Variants in NTNG1 observed in about 807,000 individuals in gnomAD.
The protein encoded by NTNG1 is netrin G1, also known as netrin-G1.
In NTNG1, 16 loss-of-function variants were observed where a neutral mutation model predicts 54.0. That is an observed-to-expected ratio of 0.30 (90% CI 0.20 to 0.45). The LOEUF (loss-of-function observed/expected upper bound fraction) is 0.45. Ranked by LOEUF, NTNG1 falls within the 20% of genes least tolerant of loss-of-function variation. The pLI is 1.00. For missense variants in NTNG1, 530 were observed against 678.7 expected (o/e 0.78, Z 2.43); for synonymous variants, 255 against 263.1 (o/e 0.97, Z 0.30).
intron 7 of NTNG1, among the ~76,000 whole-genome samples, chr1:107,454,974 T>C (rs1176356367): frequency 1.3e-5 from 2 of 152,168 alleles, no homozygotes; most frequent in African/African-American, 2.4e-5. Flanking sequence ...GTGAGCACAG[T>C]GCTGTGCCAA....
At chr1:107,369,157 T>C (rs555215194) in intron 3 of NTNG1, among the ~76,000 whole-genome samples, 1 of 152,336 alleles carries the variant, frequency 6.6e-6, no homozygotes, top group Admixed American at 6.5e-5. Context: ...CACCTATTGA[T>C]GGACACTTGG....
At chr1:107,400,388 T>C (rs1436881108) in intron 4 of NTNG1, among the ~76,000 whole-genome samples, 3 of 152,166 alleles carry the variant, frequency 2.0e-5, no homozygotes, top group Non-Finnish European at 2.9e-5. Flanking sequence ...TACTACAGGC[T>C]TTTACACTTC....
At chr1:107,460,480 A>G (rs1677216730) in intron 7 of NTNG1, 2 of 508,548 alleles carry the variant, frequency 3.9e-6, no homozygotes, top group Admixed American at 4.0e-5. Context: ...TCTATTTAGG[A>G]AATGAAATTA....
At chr1:107,284,075 A>G (rs1665038750) in intron 2 of NTNG1, among the ~76,000 whole-genome samples, 1 of 152,130 alleles carries the variant, frequency 6.6e-6, no homozygotes, top group South Asian at 2.1e-4. Flanking sequence ...CTCATTTGTT[A>G]GTATACTTAT....
chr1:107,185,428 G>A (rs888514614), intron 2 of NTNG1, among the ~76,000 whole-genome samples: 1 of 151,736 alleles, frequency 6.6e-6, no homozygotes, highest in African/African-American at 2.4e-5. Context: ...ATCTTTACAC[G>A]GCCTTCTTCA....
chr1:107,316,040 T>C (rs975413738), intron 2 of NTNG1, among the ~76,000 whole-genome samples: 1 of 152,162 alleles, frequency 6.6e-6, no homozygotes, highest in Non-Finnish European at 1.5e-5. Flanking sequence ...AAAGAGGTGT[T>C]TCCCTAACGC....
chr1:107,292,766 C>T (rs1027210853), intron 2 of NTNG1, among the ~76,000 whole-genome samples: 1 of 152,076 alleles, frequency 6.6e-6, no homozygotes, highest in Non-Finnish European at 1.5e-5. Flanking sequence ...GGACAGCCCA[C>T]CCCAGGGAAG....
At chr1:107,323,240 T>G (rs1667754343) in intron 2 of NTNG1, among the ~76,000 whole-genome samples, 1 of 152,056 alleles carries the variant, frequency 6.6e-6, no homozygotes, top group African/African-American at 2.4e-5. Flanking sequence ...AACACCTGAA[T>G]AGTCAAGTCC....
At chr1:107,369,146 T>C (rs1434250233) in intron 3 of NTNG1, among the ~76,000 whole-genome samples, 1 of 152,220 alleles carries the variant, frequency 6.6e-6, no homozygotes, top group East Asian at 1.9e-4. Context: ...ATTTATCTAT[T>C]CACCTATTGA....
At chr1:107,354,162 A>C (rs1434490738) in intron 3 of NTNG1, among the ~76,000 whole-genome samples, 1 of 152,022 alleles carries the variant, frequency 6.6e-6, no homozygotes, top group Non-Finnish European at 1.5e-5. Flanking sequence ...CATTTATTGA[A>C]TAGTTGTAGA....
At chr1:107,363,124 T>A (rs1268930699) in intron 3 of NTNG1, among the ~76,000 whole-genome samples, 1 of 152,244 alleles carries the variant, frequency 6.6e-6, no homozygotes, top group African/African-American at 2.4e-5. Flanking sequence ...GGTTTTTTCC[T>A]TGTGTTGTAA....
At position 107,482,649 on chromosome 1, in the gene NTNG1, G is replaced by A. The variant is rs1190895600; in HGVS notation, c.*1809G>A. ...GGACAATGAAATTCTACATGACTTGGTAGAACAATAACCTATGATAGTGTA... is the reference window on the plus strand; with the variant it reads ...GGACAATGAAATTCTACATGACTTGATAGAACAATAACCTATGATAGTGTA... On this transcript the variant is annotated 3_prime_UTR_variant, in exon 8 of 8. Coordinates refer to ENST00000370068, the MANE Select transcript of NTNG1 (RefSeq NM_001113226.3). 6.6e-6 allele frequency: 1 copy of A among 152,170 alleles called. No individual in the cohort carries two copies. Among genetic ancestry groups the A allele is most frequent in the Admixed American group, 6.5e-5 (1 of 15,272 alleles). The allele number at this position is 152,170 out of a possible 1,614,324, so 9.4% of individuals were successfully genotyped here. A position where few individuals can be genotyped will look rare whatever the true frequency, so the allele number is the denominator to read the frequency against.
intron 3 of NTNG1, among the ~76,000 whole-genome samples, chr1:107,380,960 G>A (rs1671607642): frequency 6.6e-6 from 1 of 152,142 alleles, no homozygotes; most frequent in Non-Finnish European, 1.5e-5. Context: ...AGTATGAGTT[G>A]AAACATCAGG....
At chr1:107,387,969 C>A (rs1672115168) in intron 3 of NTNG1, among the ~76,000 whole-genome samples, 1 of 152,132 alleles carries the variant, frequency 6.6e-6, no homozygotes. Context: ...AGTGTCCCTA[C>A]CCTACTTTGT....
chr1:107,462,330 G>A (rs769184353), intron 7 of NTNG1, among the ~76,000 whole-genome samples: 10 of 152,084 alleles, frequency 6.6e-5, no homozygotes, highest in Non-Finnish European at 1.3e-4. Flanking sequence ...GAATTGGGTG[G>A]GTTACAGGCT....
intron 1 of NTNG1, among the ~76,000 whole-genome samples, chr1:107,142,675 G>GA (rs71579434): frequency 0.2 from 26,779 of 131,102 alleles, 2,705 homozygotes; most frequent in African/African-American, 0.29. Context: ...TTACAGAAAT[G>GA]AAAAAAAAAA....
rs77747504 is a variant in NTNG1, at chr1:107,473,708, C to T, written c.1391-6903C>T. ...AAATGCTGCTTGATCAGTTCTTTCA[C>T]TGTGGAAATTCTAAATGTTTTTGTA... is the stretch of plus-strand genomic sequence containing the variant. On this transcript the variant is annotated intron_variant, in intron 7 of 7. Coordinates refer to ENST00000370068, the MANE Select transcript of NTNG1 (RefSeq NM_001113226.3). Among the ~76,000 whole-genome samples the T allele has an allele frequency of 9.7e-3, 1,474 of 152,334 alleles. 23 individuals are homozygous for T. The highest frequency in any genetic ancestry group is 0.033 in the African/African-American group (1,374 of 41,564).
chr1:107,213,981 C>T (rs188125434), intron 2 of NTNG1, among the ~76,000 whole-genome samples: 26 of 152,190 alleles, frequency 1.7e-4, no homozygotes, highest in African/African-American at 6.0e-4. Context: ...CTTCATCAGA[C>T]ATATGTATGA....
chr1:107,413,244 G>A (rs1211224991), intron 5 of NTNG1, among the ~76,000 whole-genome samples: 1 of 150,858 alleles, frequency 6.6e-6, no homozygotes, highest in Non-Finnish European at 1.5e-5. Context: ...CTTACTGCAA[G>A]CTCCACCTCC....
Sources: allele counts gnomAD v4.1 joint callset (sites outside exome capture counted in the v4.1 genomes callset), GRCh38; gene constraint gnomAD v4.1.1; transcripts MANE v1.5; gene names NCBI Gene and HGNC (gene_info 2026-07-23, HGNC 2026-07-21).